Variants in ANXA4 observed in about 807,000 individuals in gnomAD.
The protein encoded by ANXA4 is annexin A4.
Under a neutral mutation model 49.8 loss-of-function variants are expected in ANXA4, and 39 were observed. That is an observed-to-expected ratio of 0.78 (90% CI 0.61 to 1.02). ANXA4 has a LOEUF of 1.02. Among genes scored for constraint, ANXA4 ranks in the 50% least tolerant of loss-of-function variants. The pLI, the probability that ANXA4 is intolerant of heterozygous loss-of-function variation, is 0.00. For synonymous variants in ANXA4, 134 were observed against 152.5 expected (o/e 0.88, Z 0.89); for missense variants, 360 against 410.1 (o/e 0.88, Z 1.05).
chr2:69,752,932 A>G (rs1223671127), intron 1 of ANXA4, among the ~76,000 whole-genome samples: 2 of 152,354 alleles, frequency 1.3e-5, no homozygotes, highest in East Asian at 1.9e-4. Context: ...TCATAATCAT[A>G]GCAGGAGCTT....
upstream of ANXA4, among the ~76,000 whole-genome samples, chr2:69,739,222 G>C (rs967302089): frequency 2.6e-5 from 4 of 151,960 alleles, no homozygotes; most frequent in Admixed American, 6.6e-5. Context: ...CTCCTATCCC[G>C]AGAAATCCTA....
At chr2:69,824,444 AGT>A (rs1674373921) in intron 12 of ANXA4, among the ~76,000 whole-genome samples, 1 of 150,524 alleles carries the variant, frequency 6.6e-6, no homozygotes, top group Non-Finnish European at 1.5e-5. Context: ...CGGAGGTCGC[AGT>A]GAGCCAGGAT....
intron 2 of ANXA4, among the ~76,000 whole-genome samples, chr2:69,680,509 G>A (rs11900797): frequency 0.011 from 1,609 of 152,264 alleles, 35 homozygotes; most frequent in African/African-American, 0.037. Flanking sequence ...CCTCTTGCCT[G>A]ATTGCTCTGG....
intron 2 of ANXA4, among the ~76,000 whole-genome samples, chr2:69,662,632 A>G (rs1676763717): frequency 6.6e-6 from 1 of 152,140 alleles, no homozygotes. Flanking sequence ...ACCAGGATGG[A>G]GAATTTGGAA....
chr2:69,813,402 C>T (rs950649646), intron 8 of ANXA4, among the ~76,000 whole-genome samples: 4 of 152,086 alleles, frequency 2.6e-5, no homozygotes, highest in African/African-American at 9.7e-5. Flanking sequence ...GTGCCTGCCA[C>T]CATACCCGGC....
In ANXA4 at chr2:69,788,795, A is replaced by G. The variant is rs1249395424; in HGVS notation, c.97+654A>G. Among the ~76,000 whole-genome samples, 25 of 147,398 alleles carry G rather than the reference A, an allele frequency of 1.7e-4. No homozygotes were observed. The Middle Eastern group carries it at 0.014, about 82-fold the overall frequency. On this transcript the variant is annotated intron_variant, in intron 3 of 12. Coordinates refer to ENST00000394295, the MANE Select transcript of ANXA4 (RefSeq NM_001153.5). ...GGAGCTTGCAGTGAGCTGAGATTGCACCACTGCACTCCAGGCTGGGCGACA... is the reference window on the plus strand; with the variant it reads ...GGAGCTTGCAGTGAGCTGAGATTGCGCCACTGCACTCCAGGCTGGGCGACA...
At chr2:69,703,373 C>G (rs1346470508) in intron 2 of ANXA4, among the ~76,000 whole-genome samples, 1 of 151,756 alleles carries the variant, frequency 6.6e-6, no homozygotes, top group East Asian at 1.9e-4. Flanking sequence ...ACATTTTTTT[C>G]ATCACCCCCA....
intron 2 of ANXA4, among the ~76,000 whole-genome samples, chr2:69,693,396 AAG>A (rs1202186445): frequency 3.3e-5 from 5 of 152,152 alleles, no homozygotes; most frequent in Non-Finnish European, 7.4e-5. Flanking sequence ...TCTAGGGTCT[AAG>A]AGAGGGACAG....
At chr2:69,806,588 G>A (rs1445360007) in intron 5 of ANXA4, 90 bp downstream of exon 5, 4 of 1,035,796 alleles carry the variant, frequency 3.9e-6, no homozygotes, top group Non-Finnish European at 5.9e-6. Flanking sequence ...AGAAAGACAT[G>A]GAAGCAACCT....
intron 2 of ANXA4, among the ~76,000 whole-genome samples, chr2:69,667,162 A>G (rs1214149469): frequency 6.6e-6 from 1 of 152,130 alleles, no homozygotes; most frequent in African/African-American, 2.4e-5. Flanking sequence ...CTGAGGAGGC[A>G]GAGAGGGTGG....
chr2:69,808,061 G>A (rs150937606), intron 6 of ANXA4, 65 bp downstream of exon 6: 568 of 1,494,226 alleles, frequency 3.8e-4, no homozygotes, highest in Admixed American at 2.7e-3. Context: ...GGGTAGCAGC[G>A]GGTTGTTGTT....
At chr2:69,707,270 G>C (rs1678528310) in intron 2 of ANXA4, among the ~76,000 whole-genome samples, 1 of 152,150 alleles carries the variant, frequency 6.6e-6, no homozygotes, top group African/African-American at 2.4e-5. Flanking sequence ...TAGCATTTCA[G>C]TTTCTTCTAT....
At chr2:69,776,940 A>G (rs1671982056) in intron 1 of ANXA4, among the ~76,000 whole-genome samples, 1 of 152,118 alleles carries the variant, frequency 6.6e-6, no homozygotes. Context: ...TGTGCTTCTG[A>G]TGGAATGGCT....
intron 2 of ANXA4, among the ~76,000 whole-genome samples, chr2:69,785,579 T>C (rs1672381049): frequency 6.6e-6 from 1 of 151,632 alleles, no homozygotes; most frequent in Non-Finnish European, 1.5e-5. Context: ...ATGATGATGA[T>C]GTTTCTGAGT....
intron 1 of ANXA4, among the ~76,000 whole-genome samples, chr2:69,779,155 T>A (rs1672096152): frequency 2.3e-5 from 3 of 132,778 alleles, no homozygotes; most frequent in East Asian, 2.1e-4. Context: ...TCAGAATGAA[T>A]CCTTTTTTTT....
intron 1 of ANXA4, among the ~76,000 whole-genome samples, chr2:69,745,526 T>TTTTTTTTA (rs1291352236): frequency 5.4e-4 from 82 of 152,106 alleles, no homozygotes; most frequent in African/African-American, 1.9e-3. Flanking sequence ...CTATGCTTTA[T>TTTTTTTTA]TTTTTTTATT....
At chr2:69,825,015 C>T (rs970394422) in intron 12 of ANXA4, among the ~76,000 whole-genome samples, 4 of 123,698 alleles carry the variant, frequency 3.2e-5, no homozygotes, top group African/African-American at 1.2e-4. Flanking sequence ...TGCAGTGAGT[C>T]AAGATGGCGC....
At chr2:69,799,174 G>A (rs778411616) in intron 3 of ANXA4, among the ~76,000 whole-genome samples, 1 of 150,430 alleles carries the variant, frequency 6.6e-6, no homozygotes, top group Non-Finnish European at 1.5e-5. Flanking sequence ...CACATAGGCT[G>A]ACTCTTAGTC....
chr2:69,810,698 G>T (rs550934092), intron 7 of ANXA4, 25 bp downstream of exon 7: 8 of 1,601,506 alleles, frequency 5.0e-6, no homozygotes, highest in Non-Finnish European at 6.8e-6. Flanking sequence ...CTGATGGGGG[G>T]CGGGTTTTAT....
Sources: gnomAD v4.1 joint callset for allele counts (sites outside exome capture counted in the v4.1 genomes callset) on GRCh38, gnomAD v4.1.1 for gene constraint, MANE v1.5 for transcripts, NCBI Gene and HGNC (gene_info 2026-07-23, HGNC 2026-07-21) for gene names.